Variants in SRRM4 observed in about 807,000 individuals in gnomAD.
The protein encoded by SRRM4 is serine/arginine repetitive matrix 4, also known as serine/arginine repetitive matrix protein 4.
SRRM4 carries 33 observed loss-of-function variants against 68.9 expected under a neutral mutation model. That is an observed-to-expected ratio of 0.48 (90% CI 0.36 to 0.64). SRRM4 has a LOEUF of 0.64. SRRM4 is among the 30% of genes least tolerant of loss of function. The pLI, the probability that SRRM4 is intolerant of heterozygous loss-of-function variation, is 0.00. For synonymous variants in SRRM4, 318 were observed against 318.8 expected (o/e 1.00, Z 0.03); for missense variants, 817 against 827.1 (o/e 0.99, Z 0.15).
At chr12:119,085,489 G>A (rs1404878250) in intron 1 of SRRM4, among the ~76,000 whole-genome samples, 1 of 152,174 alleles carries the variant, frequency 6.6e-6, no homozygotes, top group Non-Finnish European at 1.5e-5. Flanking sequence ...AAGATGCTGG[G>A]ACTTTTCAGA....
intron 1 of SRRM4, among the ~76,000 whole-genome samples, chr12:119,092,687 T>C (rs1287097426): frequency 6.6e-6 from 1 of 152,170 alleles, no homozygotes; most frequent in Admixed American, 6.5e-5. Flanking sequence ...ATTATTGTAG[T>C]CATTTCTTCA....
Position 119,149,580 on chromosome 12 carries a change from C to CA in SRRM4, c.1077-1437_1077-1436insA, listed in dbSNP as rs201748280. On this transcript the variant is annotated intron_variant, in intron 9 of 12. Transcript: ENST00000267260. ...GAGGTCGCCCAACCCAGACAGGGGA[C>CA]GGGGGTGTCAAGGAAGGTTTTCCAG... Among the ~76,000 whole-genome samples, 1,445 of 152,030 alleles carry CA rather than the reference C, an allele frequency of 9.5e-3. 27 individuals carry two copies. The highest frequency in any genetic ancestry group is 0.033 in the African/African-American group (1,366 of 41,468).
chr12:119,023,055 C>T lies in SRRM4; in HGVS notation c.131+41042C>T, dbSNP rs150937030. On this transcript the variant is annotated intron_variant, in intron 1 of 12. Coordinates refer to ENST00000267260, the MANE Select transcript of SRRM4 (RefSeq NM_194286.4). The stretch of plus-strand genomic sequence containing the variant: ...TCCGTACTTTTACCTACACCTGTCA[C>T]GGTAAGAAGAATGTACTTTCCATGG... Among the ~76,000 whole-genome samples, 47 of 152,324 alleles carry T rather than the reference C, an allele frequency of 3.1e-4. No individual in the cohort carries two copies. In the East Asian group the frequency reaches 7.1e-3, roughly 23 times the overall value.
At chr12:119,112,371 C>T (rs1238336184) in intron 2 of SRRM4, among the ~76,000 whole-genome samples, 3 of 152,288 alleles carry the variant, frequency 2.0e-5, no homozygotes, top group South Asian at 4.1e-4. Context: ...ATTAGTTCAA[C>T]CATTGTGGAA....
At chr12:119,032,213 T>A (rs1232092386) in intron 1 of SRRM4, among the ~76,000 whole-genome samples, 2 of 152,114 alleles carry the variant, frequency 1.3e-5, no homozygotes, top group East Asian at 3.9e-4. Context: ...TATTAGAATC[T>A]CTCTTGTTGG....
chr12:119,015,651 G>T (rs1024082362), intron 1 of SRRM4, among the ~76,000 whole-genome samples: 2 of 151,760 alleles, frequency 1.3e-5, no homozygotes, highest in African/African-American at 4.8e-5. Flanking sequence ...GTATTTGATT[G>T]TATAGATGCA....
At chr12:119,015,614 C>A (rs539667463) in intron 1 of SRRM4, among the ~76,000 whole-genome samples, 1 of 152,078 alleles carries the variant, frequency 6.6e-6, no homozygotes, top group Non-Finnish European at 1.5e-5. Flanking sequence ...TTTAGAACTA[C>A]CCTGTTATTT....
chr12:119,141,285 TA>T (rs1201647386), intron 8 of SRRM4, among the ~76,000 whole-genome samples: 1 of 152,212 alleles, frequency 6.6e-6, no homozygotes, highest in South Asian at 2.1e-4. Context: ...AAAGAAAAGA[TA>T]AATGTTTAAG....
At chr12:119,066,632 A>G (rs956347570) in intron 1 of SRRM4, among the ~76,000 whole-genome samples, 2 of 152,216 alleles carry the variant, frequency 1.3e-5, no homozygotes, top group African/African-American at 4.8e-5. Flanking sequence ...CCACTGCTCT[A>G]GTCTAGAAAT....
chr12:119,103,256 TA>T (rs1471198667), intron 2 of SRRM4, among the ~76,000 whole-genome samples: 2 of 152,200 alleles, frequency 1.3e-5, no homozygotes, highest in Non-Finnish European at 2.9e-5. Flanking sequence ...ATTTCATTAT[TA>T]TTTTTTAACT....
intron 1 of SRRM4, among the ~76,000 whole-genome samples, chr12:119,097,011 G>T (rs758679948): frequency 3.5e-4 from 53 of 152,170 alleles, no homozygotes; most frequent in Non-Finnish European, 5.1e-4. Flanking sequence ...CAGAGCCGCC[G>T]GGAGGCCTTG....
At chr12:119,008,388 G>T (rs1049749619) in intron 1 of SRRM4, among the ~76,000 whole-genome samples, 2 of 151,260 alleles carry the variant, frequency 1.3e-5, no homozygotes, top group Admixed American at 1.3e-4. Context: ...TGAATAAAAA[G>T]ATTAATGTTA....
At chr12:119,001,539 A>T (rs1953384075) in intron 1 of SRRM4, 1 of 152,204 alleles carries the variant, frequency 6.6e-6, no homozygotes, top group Admixed American at 6.5e-5. Flanking sequence ...AATAACAGTT[A>T]CTATTTATTG....
intron 1 of SRRM4, among the ~76,000 whole-genome samples, chr12:119,083,225 G>T (rs1953960432): frequency 6.6e-6 from 1 of 151,966 alleles, no homozygotes; most frequent in African/African-American, 2.4e-5. Context: ...ACACCAGCTT[G>T]ACTTCTAACT....
At chr12:119,131,794 C>T (rs1954299638) in intron 8 of SRRM4, among the ~76,000 whole-genome samples, 1 of 152,154 alleles carries the variant, frequency 6.6e-6, no homozygotes, top group Admixed American at 6.5e-5. Context: ...GACAGACGAA[C>T]AGGAAGAGAG....
chr12:118,992,956 G>A (rs1044661437), intron 1 of SRRM4, among the ~76,000 whole-genome samples: 18 of 152,084 alleles, frequency 1.2e-4, no homozygotes, highest in African/African-American at 4.1e-4. Flanking sequence ...TTTTACAAAC[G>A]GACTAATGAA....
At chr12:119,023,330 T>C (rs1953527703) in intron 1 of SRRM4, among the ~76,000 whole-genome samples, 1 of 152,214 alleles carries the variant, frequency 6.6e-6, no homozygotes, top group South Asian at 2.1e-4. Context: ...AGGTGAGCAC[T>C]GGGAACAGCT....
intron 1 of SRRM4, among the ~76,000 whole-genome samples, chr12:119,057,905 A>G (rs1041240751): frequency 1.3e-5 from 2 of 152,040 alleles, no homozygotes; most frequent in African/African-American, 4.8e-5. Flanking sequence ...GGTTTTTTCT[A>G]TCCCTCACAG....
intron 1 of SRRM4, chr12:119,001,933 T>C (rs1439112500): frequency 6.7e-6 from 1 of 149,126 alleles, no homozygotes; most frequent in Non-Finnish European, 1.5e-5. Flanking sequence ...CAGTGAGCTG[T>C]GATCACACCA....
Sources: allele counts gnomAD v4.1 joint callset (sites outside exome capture counted in the v4.1 genomes callset), GRCh38; gene constraint gnomAD v4.1.1; transcripts MANE v1.5; gene names NCBI Gene and HGNC (gene_info 2026-07-23, HGNC 2026-07-21).